FGD4: variants seen among roughly 807,000 people sequenced by gnomAD.
FGD4 encodes FYVE, RhoGEF and PH domain containing 4, also known as FYVE, RhoGEF and PH domain-containing protein 4.
FGD4 carries 42 observed loss-of-function variants against 102.0 expected under a neutral mutation model. That is an observed-to-expected ratio of 0.41 (90% CI 0.32 to 0.53). The LOEUF (loss-of-function observed/expected upper bound fraction) is 0.53, where lower values mean the gene tolerates loss of function less well. Among genes scored for constraint, FGD4 ranks in the 20% least tolerant of loss-of-function variants. FGD4 has a pLI of 0.21. For synonymous variants in FGD4, 380 were observed against 375.7 expected (o/e 1.01, Z -0.13); for missense variants, 902 against 1,078.2 (o/e 0.84, Z 2.29).
At chr12:32,450,845 A>G (rs1942753884) in intron 1 of FGD4, among the ~76,000 whole-genome samples, 1 of 152,210 alleles carries the variant, frequency 6.6e-6, no homozygotes, top group East Asian at 1.9e-4. Flanking sequence ...TTTCCTGAAA[A>G]TGAGAAACCT....
chr12:32,601,147 G>A, intron 5 of FGD4, 131 bp from the exon 6 acceptor site: 2 of 869,764 alleles, frequency 2.3e-6, no homozygotes, highest in Non-Finnish European at 3.6e-6. Flanking sequence ...AAATTTCAAA[G>A]GATTCTCTTG....
chr12:32,564,263 A>G lies in FGD4; in HGVS notation c.293A>G (p.His98Arg), dbSNP rs1367337112. Reference protein sequence around the residue: ...QGINGNRPAKHSAASPKPQVP... With the variant: ...QGINGNRPAKRSAASPKPQVP... ...ATAAATGGGAACAGGCCAGCAAAAC[A>G]CTCAGCTGCAAGTCCAAAGCCACAA... Residue 98 changes from histidine to arginine, a missense_variant, in exon 2 of 17, where the codon CAC becomes CGC. His to Arg is a conservative substitution (Grantham distance 29). Around this residue, in one of 2 missense-constraint regions of FGD4, gnomAD observed 443 missense variants for 459.2 expected, o/e 0.96. Transcript: ENST00000534526. The G allele has an allele frequency of 6.5e-7, 1 of 1,536,006 alleles. No homozygotes were observed. Among genetic ancestry groups the G allele is most frequent in the Admixed American group, 2.0e-5 (1 of 50,986 alleles).
intron 7 of FGD4, among the ~76,000 whole-genome samples, chr12:32,603,534 T>C (rs7968790): frequency 0.48 from 72,010 of 151,362 alleles, 18,918 homozygotes; most frequent in African/African-American, 0.71. Flanking sequence ...TACAGGCGCC[T>C]GCCACCACGC....
chr12:32,554,091 T>C (rs1943909322), intron 1 of FGD4, among the ~76,000 whole-genome samples: 1 of 152,098 alleles, frequency 6.6e-6, no homozygotes, highest in Non-Finnish European at 1.5e-5. Flanking sequence ...AAAAACATAA[T>C]GATAAATGAA....
At chr12:32,562,829 G>C (rs1051011969) in intron 1 of FGD4, among the ~76,000 whole-genome samples, 1 of 152,156 alleles carries the variant, frequency 6.6e-6, no homozygotes, top group African/African-American at 2.4e-5. Flanking sequence ...ACACAGACAC[G>C]GCAACCATCC....
chr12:32,539,458 A>G (rs1414471240), intron 1 of FGD4, among the ~76,000 whole-genome samples: 1 of 152,108 alleles, frequency 6.6e-6, no homozygotes, highest in Non-Finnish European at 1.5e-5. Context: ...AATCCCAGCT[A>G]CTTGGGAGGC....
chr12:32,640,169 T>G, intron 16 of FGD4, 107 bp from the exon 17 acceptor site: 1 of 1,564,920 alleles, frequency 6.4e-7, no homozygotes. Context: ...ACTCACCGTT[T>G]AAGTCTGTTT....
intron 1 of FGD4, among the ~76,000 whole-genome samples, chr12:32,451,216 G>A (rs933014134): frequency 1.3e-5 from 2 of 152,106 alleles, no homozygotes; most frequent in South Asian, 2.1e-4. Flanking sequence ...AACTACTATA[G>A]TGATGAATAT....
intron 1 of FGD4, among the ~76,000 whole-genome samples, chr12:32,437,168 A>G (rs1190598503): frequency 6.6e-6 from 1 of 152,028 alleles, no homozygotes; most frequent in Non-Finnish European, 1.5e-5. Context: ...GGGGCTGCTG[A>G]ACAATGCAGC....
chr12:32,505,778 G>T (rs965177179), intron 1 of FGD4, among the ~76,000 whole-genome samples: 1 of 152,240 alleles, frequency 6.6e-6, no homozygotes, highest in East Asian at 1.9e-4. Flanking sequence ...CTGACTTCCT[G>T]TGTAAGTAAT....
rs1200708968 is a variant in FGD4 at position 32,459,874 on chromosome 12, G to GT, written c.166+59924dup. 5.0e-3 allele frequency among the ~76,000 whole-genome samples: 745 copies of GT among 149,008 alleles called. 3 individuals carry two copies. The highest frequency in any genetic ancestry group is 0.011 in the African/African-American group (465 of 40,568). ...GCACTGCATCTGGCTGATTTTTTTT[G>GT]TTTTTTTTTGTTTTTGGAGAGACGT... On this transcript the variant is annotated intron_variant, in intron 1 of 16. Coordinates refer to ENST00000534526, the MANE Select transcript of FGD4 (RefSeq NM_001370298.3).
At chr12:32,564,115 C>A in intron 1 of FGD4, 22 bp from the exon 2 acceptor site, 1 of 1,532,564 alleles carries the variant, frequency 6.5e-7, no homozygotes, top group Non-Finnish European at 8.7e-7. Flanking sequence ...CTTACCTGCC[C>A]TTTCTTTCTG....
At position 32,465,762 on chromosome 12, in the gene FGD4, G is replaced by A. The variant is rs117375016; in HGVS notation, c.166+65803G>A. Among the ~76,000 whole-genome samples, 463 of 151,800 alleles carry A rather than the reference G, an allele frequency of 3.1e-3. 10 individuals carry two copies. The East Asian group carries it at 0.068, about 22-fold the overall frequency. On this transcript the variant is annotated intron_variant, in intron 1 of 16. Coordinates refer to ENST00000534526, the MANE Select transcript of FGD4 (RefSeq NM_001370298.3). ...TCGTTGTATTTTTTAGCAACAAAGT[G>A]TGTGTGTGTGTATTTGTGCATTTGT...
At chr12:32,498,765 G>A (rs1389117535) in intron 1 of FGD4, among the ~76,000 whole-genome samples, 1 of 152,082 alleles carries the variant, frequency 6.6e-6, no homozygotes, top group Non-Finnish European at 1.5e-5. Flanking sequence ...ACCATGCCCA[G>A]CTAATTTTTG....
At chr12:32,604,971 C>G (rs1948680000) in intron 7 of FGD4, among the ~76,000 whole-genome samples, 1 of 104,842 alleles carries the variant, frequency 9.5e-6, no homozygotes, top group South Asian at 3.0e-4. Flanking sequence ...TAGAGTCTTG[C>G]TCTGTCACCC....
chr12:32,538,332 A>T (rs568091786), intron 1 of FGD4, among the ~76,000 whole-genome samples: 1 of 152,330 alleles, frequency 6.6e-6, no homozygotes, highest in East Asian at 1.9e-4. Context: ...GATTGAATAC[A>T]TTTCTAATAT....
chr12:32,552,420 C>A (rs928760039), intron 1 of FGD4, among the ~76,000 whole-genome samples: 4 of 149,322 alleles, frequency 2.7e-5, no homozygotes, highest in Non-Finnish European at 4.5e-5. Flanking sequence ...CCGCCATGCC[C>A]GACTAATTTT....
At chr12:32,587,358 G>C (rs1482636893) in intron 4 of FGD4, among the ~76,000 whole-genome samples, 1 of 149,326 alleles carries the variant, frequency 6.7e-6, no homozygotes, top group Non-Finnish European at 1.5e-5. Flanking sequence ...AATGGCTATT[G>C]CTTATTTTTT....
At chr12:32,495,105 A>G (rs1937716696) in intron 1 of FGD4, among the ~76,000 whole-genome samples, 1 of 152,080 alleles carries the variant, frequency 6.6e-6, no homozygotes, top group Non-Finnish European at 1.5e-5. Flanking sequence ...TTACAGCTGC[A>G]TAGTTTCCAG....
Sources: gnomAD v4.1 joint callset for allele counts (sites outside exome capture counted in the v4.1 genomes callset) on GRCh38, gnomAD v4.1.1 for gene constraint, gnomAD v4.1.1 regional missense constraint, MANE v1.5 for transcripts, NCBI Gene and HGNC (gene_info 2026-07-23, HGNC 2026-07-21) for gene names.